Variants in PSME4 observed in about 807,000 individuals in gnomAD.
PSME4 encodes the protein proteasome activator subunit 4.
A neutral mutation model predicts 253.9 loss-of-function variants in PSME4; 89 were observed. That is an observed-to-expected ratio of 0.35 (90% CI 0.30 to 0.42). The LOEUF (loss-of-function observed/expected upper bound fraction) is 0.42, where lower values mean the gene tolerates loss of function less well. Among genes scored for constraint, PSME4 ranks in the 10% least tolerant of loss-of-function variants. PSME4 has a pLI of 1.00. For synonymous variants in PSME4, 851 were observed against 759.2 expected (o/e 1.12, Z -1.99); for missense variants, 2,014 against 2,195.2 (o/e 0.92, Z 1.65).
intron 4 of PSME4, among the ~76,000 whole-genome samples, chr2:53,938,438 G>A (rs567376753): frequency 6.6e-6 from 1 of 150,390 alleles, no homozygotes; most frequent in East Asian, 1.9e-4. Context: ...TAAATAAAGA[G>A]GATACATGTA....
chr2:53,871,212 G>C (rs182870555), intron 43 of PSME4, among the ~76,000 whole-genome samples: 5 of 152,124 alleles, frequency 3.3e-5, no homozygotes, highest in Admixed American at 3.3e-4. Flanking sequence ...TCATTGGGAG[G>C]TGTGACTTTT....
intron 1 of PSME4, among the ~76,000 whole-genome samples, chr2:53,969,319 T>C (rs1309398667): frequency 1.3e-5 from 2 of 152,210 alleles, no homozygotes; most frequent in African/African-American, 4.8e-5. Context: ...ATTACATGTT[T>C]TAGTTTTGCT....
chr2:53,871,614 G>T (rs1239236345), intron 43 of PSME4, among the ~76,000 whole-genome samples: 1 of 152,142 alleles, frequency 6.6e-6, no homozygotes, highest in Admixed American at 6.5e-5. Flanking sequence ...TGCATGTTTT[G>T]ATGTGACGTC....
intron 16 of PSME4, among the ~76,000 whole-genome samples, chr2:53,922,835 C>T (rs1333631897): frequency 6.6e-6 from 1 of 152,084 alleles, no homozygotes; most frequent in African/African-American, 2.4e-5. Context: ...TTGAAGGTAA[C>T]CTCTGAATGG....
chr2:53,947,859 T>C (rs922517915), intron 3 of PSME4, among the ~76,000 whole-genome samples: 11 of 149,690 alleles, frequency 7.3e-5, no homozygotes, highest in African/African-American at 2.7e-4. Flanking sequence ...CTACTAAAAA[T>C]ACAAACATTA....
intron 1 of PSME4, among the ~76,000 whole-genome samples, chr2:53,965,112 C>A (rs964024816): frequency 6.6e-6 from 1 of 152,150 alleles, no homozygotes; most frequent in South Asian, 2.1e-4. Context: ...GACACACACA[C>A]ACACACACGA....
intron 1 of PSME4, among the ~76,000 whole-genome samples, chr2:53,958,620 T>C (rs1202668507): frequency 3.3e-5 from 5 of 152,172 alleles, no homozygotes; most frequent in Non-Finnish European, 1.5e-5. Flanking sequence ...AGGACAATAA[T>C]GACTATTCTT....
rs1460337037 is a variant in PSME4 at position 53,864,894 on chromosome 2, A to C, written c.*684T>G. ...TATTGTTGTTGCTGTTTATTTTTAA[A>C]ATCACACATTGAATACACACAACAA... On this transcript the variant is annotated 3_prime_UTR_variant, in exon 47 of 47. Coordinates refer to ENST00000404125, the MANE Select transcript of PSME4 (RefSeq NM_014614.3). 2 of 152,660 alleles carry C rather than the reference A, an allele frequency of 1.3e-5. No homozygotes were observed. The highest frequency in any genetic ancestry group is 4.8e-5 in the African/African-American group (2 of 41,460). The allele number at this position is 152,660 out of a possible 1,614,324, so 9.5% of individuals were successfully genotyped here.
At chr2:53,914,796 A>C (rs1199357447) in intron 20 of PSME4, among the ~76,000 whole-genome samples, 1 of 152,030 alleles carries the variant, frequency 6.6e-6, no homozygotes, top group Non-Finnish European at 1.5e-5. Flanking sequence ...CTGGAGAATC[A>C]CTTGAACCTG....
intron 42 of PSME4, 135 bp downstream of exon 42, chr2:53,875,492 A>G (rs923575197): frequency 9.4e-6 from 8 of 852,074 alleles, no homozygotes; most frequent in Non-Finnish European, 1.4e-5. Flanking sequence ...TTTGGTCAAT[A>G]TATATGTCTT....
intron 1 of PSME4, among the ~76,000 whole-genome samples, chr2:53,968,009 A>C (rs1670826929): frequency 6.6e-6 from 1 of 152,108 alleles, no homozygotes; most frequent in South Asian, 2.1e-4. Flanking sequence ...GCGGTGGCTC[A>C]CACATGTAAT....
At chr2:53,902,068 A>G (rs757297809) in intron 27 of PSME4, among the ~76,000 whole-genome samples, 1 of 152,162 alleles carries the variant, frequency 6.6e-6, no homozygotes, top group Non-Finnish European at 1.5e-5. Context: ...CCCTGTCTCC[A>G]AAAAGAAAAA....
At chr2:53,888,942 T>C (rs112121993) in intron 37 of PSME4, 130 bp from the exon 38 acceptor site, 1 of 667,626 alleles carries the variant, frequency 1.5e-6, no homozygotes. Flanking sequence ...TGGAGTGAAG[T>C]GGTATGATTG....
Position 53,920,305 on chromosome 2 carries a change from G to A in PSME4, c.2308C>T (p.His770Tyr). The change falls in exon 19 of 47, where the codon CAT (histidine) becomes TAT (tyrosine). Residue 770 changes from histidine to tyrosine, a missense_variant. This residue lies in a region of PSME4 where 989 missense variants were observed against 1,021.1 expected (regional missense o/e 0.97). Coordinates refer to ENST00000404125, the MANE Select transcript of PSME4 (RefSeq NM_014614.3). The part of the protein sequence containing the change: ...GDLWNLGIQW[H>Y]VPSSEEVSFA... ...GACACTTCTTCTGAAGAAGGAACAT[G>A]CCACTGGATTCCCAGATTCCACAAG... The A allele has an allele frequency of 6.2e-7, 1 of 1,613,708 alleles. No individual in the cohort carries two copies. Among genetic ancestry groups the A allele is most frequent in the South Asian group, 1.1e-5 (1 of 91,028 alleles).
intron 7 of PSME4, 86 bp downstream of exon 7, chr2:53,936,001 C>A: frequency 6.7e-7 from 1 of 1,496,564 alleles, no homozygotes; most frequent in Non-Finnish European, 8.9e-7. Context: ...TCAAGAGATT[C>A]TCCTGCCTCA....
chr2:53,898,085 AAATTTCTCAAG>A, intron 30 of PSME4, 86 bp from the exon 31 acceptor site: 1 of 1,453,400 alleles, frequency 6.9e-7, no homozygotes, highest in Non-Finnish European at 9.4e-7. Context: ...TTATAATTTT[AAATTTCTCAAG>A]AATTAAAATA....
At chr2:53,925,162 GA>G (rs1668506022) in intron 14 of PSME4, among the ~76,000 whole-genome samples, 1 of 152,096 alleles carries the variant, frequency 6.6e-6, no homozygotes, top group Non-Finnish European at 1.5e-5. Context: ...TCACCAATAA[GA>G]AGCAAAAAAA....
chr2:53,920,848 A>G (rs1457446078), intron 18 of PSME4, 41 bp downstream of exon 18: 1 of 1,499,238 alleles, frequency 6.7e-7, no homozygotes, highest in Non-Finnish European at 9.2e-7. Flanking sequence ...AAAACAAAAA[A>G]TCAACATATT....
chr2:53,948,326 G>C, intron 3 of PSME4, 95 bp downstream of exon 3: 1 of 782,558 alleles, frequency 1.3e-6, no homozygotes, highest in South Asian at 1.5e-5. Flanking sequence ...ATATCTGCTT[G>C]TTTCTTTCAA....
Sources: allele counts gnomAD v4.1 joint callset (sites outside exome capture counted in the v4.1 genomes callset), GRCh38; gene constraint gnomAD v4.1.1; regional missense constraint gnomAD v4.1.1; transcripts MANE v1.5; gene names NCBI Gene and HGNC (gene_info 2026-07-23, HGNC 2026-07-21).